Variants in PRMT3 observed in about 807,000 individuals in gnomAD.
The protein encoded by PRMT3 is protein arginine methyltransferase 3, also known as protein arginine N-methyltransferase 3.
In PRMT3, 62 loss-of-function variants were observed where a neutral mutation model predicts 71.9. That is an observed-to-expected ratio of 0.86 (90% CI 0.70 to 1.07). The LOEUF (loss-of-function observed/expected upper bound fraction) is 1.07, where lower values mean the gene tolerates loss of function less well. PRMT3 is among the 50% of genes least tolerant of loss of function. The pLI, the probability that PRMT3 is intolerant of heterozygous loss-of-function variation, is 0.00. For synonymous variants in PRMT3, 213 were observed against 220.4 expected, an observed-to-expected ratio of 0.97 and a Z score of 0.30; for missense variants, 663 against 643.0, an observed-to-expected ratio of 1.03 and a Z score of -0.34.
intron 9 of PRMT3, among the ~76,000 whole-genome samples, chr11:20,416,835 G>A (rs1203074498): frequency 1.3e-5 from 2 of 152,044 alleles, no homozygotes. Context: ...CGTTTCTCAT[G>A]GGATGTGTGT....
intron 11 of PRMT3, among the ~76,000 whole-genome samples, chr11:20,461,153 C>T (rs1850374479): frequency 6.6e-6 from 1 of 152,192 alleles, no homozygotes; most frequent in South Asian, 2.1e-4. Flanking sequence ...TTATTTCTCT[C>T]TCAATTAGAT....
intron 13 of PRMT3, among the ~76,000 whole-genome samples, chr11:20,468,835 T>A (rs939658214): frequency 6.6e-6 from 1 of 152,166 alleles, no homozygotes; most frequent in Admixed American, 6.5e-5. Context: ...TTGAAGATTA[T>A]TAGAACCTTT....
chr11:20,503,952 A>G (rs1267665315), intron 15 of PRMT3, among the ~76,000 whole-genome samples: 2 of 152,188 alleles, frequency 1.3e-5, no homozygotes, highest in East Asian at 3.8e-4. Context: ...GGCTAACACC[A>G]TTGTGAATTC....
At chr11:20,482,606 G>T (rs956561563) in intron 13 of PRMT3, among the ~76,000 whole-genome samples, 6 of 152,008 alleles carry the variant, frequency 3.9e-5, no homozygotes, top group Non-Finnish European at 7.4e-5. Flanking sequence ...GTTGGACCAG[G>T]TATTTTCCTT....
chr11:20,417,253 T>C (rs1849326865), intron 9 of PRMT3, among the ~76,000 whole-genome samples: 1 of 152,216 alleles, frequency 6.6e-6, no homozygotes, highest in South Asian at 2.1e-4. Flanking sequence ...TTATTGTCAT[T>C]TCACTGTTCT....
intron 10 of PRMT3, among the ~76,000 whole-genome samples, chr11:20,440,895 A>G (rs1849879257): frequency 6.6e-6 from 1 of 152,252 alleles, no homozygotes. Context: ...TCATAGAGCA[A>G]AAGTTTTTAA....
intron 10 of PRMT3, among the ~76,000 whole-genome samples, chr11:20,441,955 G>C (rs1186330863): frequency 6.6e-6 from 1 of 151,888 alleles, no homozygotes; most frequent in Non-Finnish European, 1.5e-5. Flanking sequence ...ACCACGCCCG[G>C]CTAATTTTTG....
chr11:20,456,999 G>C (rs1475285363), intron 11 of PRMT3, among the ~76,000 whole-genome samples: 2 of 151,922 alleles, frequency 1.3e-5, no homozygotes, highest in Non-Finnish European at 2.9e-5. Flanking sequence ...TCAGCCTCTC[G>C]ACTAGCTGGA....
rs1323664578 is a variant in PRMT3, at chr11:20,392,904, C to G, written c.305C>G (p.Thr102Arg). ...GATTAATTTTATATCCAGAATCCTA[C>G]AGTTGAGTACATGAATTCCATATAC... The part of the protein sequence containing the change: ...LINFIRLKNP[T>R]VEYMNSIYNP... Residue 102 changes from threonine to arginine, a missense_variant, in exon 5 of 16, where the codon ACA (threonine) becomes AGA (arginine). By Grantham distance (71) the Thr-to-Arg change is moderately conservative. Transcript: ENST00000331079. 6.3e-7 allele frequency: 1 copy of G among 1,578,054 alleles called. No individual in the cohort carries two copies. The highest frequency in any genetic ancestry group is 2.2e-5 in the East Asian group (1 of 44,592).
At chr11:20,453,381 C>T (rs1424353190) in intron 11 of PRMT3, among the ~76,000 whole-genome samples, 2 of 150,536 alleles carry the variant, frequency 1.3e-5, no homozygotes, top group African/African-American at 4.9e-5. Flanking sequence ...GCCTATAGTC[C>T]CGACAGGAGA....
At chr11:20,404,058 G>A (rs966500064) in intron 8 of PRMT3, among the ~76,000 whole-genome samples, 2 of 151,792 alleles carry the variant, frequency 1.3e-5, no homozygotes, top group African/African-American at 4.8e-5. Context: ...TTTGGCCAAA[G>A]CATTGCACCT....
At chr11:20,440,199 C>T (rs561622032) in intron 10 of PRMT3, among the ~76,000 whole-genome samples, 120 of 152,218 alleles carry the variant, frequency 7.9e-4, no homozygotes, top group African/African-American at 2.8e-3. Flanking sequence ...CCCCAAAATA[C>T]TAATGTTAAG....
intron 13 of PRMT3, among the ~76,000 whole-genome samples, chr11:20,470,185 T>C (rs895486606): frequency 6.6e-6 from 1 of 152,142 alleles, no homozygotes; most frequent in Non-Finnish European, 1.5e-5. Flanking sequence ...GACAACACAA[T>C]GGTATTTATG....
intron 11 of PRMT3, among the ~76,000 whole-genome samples, chr11:20,455,962 G>GTTT (rs1850259455): frequency 6.6e-6 from 1 of 152,048 alleles, no homozygotes; most frequent in Admixed American, 6.6e-5. Flanking sequence ...GGAAACATAG[G>GTTT]TTTATAAACT....
At chr11:20,502,307 T>C (rs373359916) in intron 15 of PRMT3, among the ~76,000 whole-genome samples, 2 of 152,326 alleles carry the variant, frequency 1.3e-5, no homozygotes, top group African/African-American at 2.4e-5. Context: ...TCTGAACAAT[T>C]GAAGGGAGAT....
At chr11:20,506,576 T>C (rs1851596558) in intron 15 of PRMT3, among the ~76,000 whole-genome samples, 1 of 152,252 alleles carries the variant, frequency 6.6e-6, no homozygotes, top group Non-Finnish European at 1.5e-5. Flanking sequence ...TGGTTATGTT[T>C]TACTTGTGTT....
chr11:20,464,401 G>GT (rs562956400), intron 12 of PRMT3, 59 bp from the exon 13 acceptor site: 155,065 of 928,034 alleles, frequency 0.17, 139 homozygotes, highest in Non-Finnish European at 0.18. Flanking sequence ...TTTATTTTTT[G>GT]TTTTTTTTTT....
At chr11:20,486,613 A>T (rs1330153318) in intron 13 of PRMT3, among the ~76,000 whole-genome samples, 1 of 152,136 alleles carries the variant, frequency 6.6e-6, no homozygotes, top group Non-Finnish European at 1.5e-5. Flanking sequence ...TGCACAAGGA[A>T]CAATGGAATT....
At chr11:20,498,254 G>A (rs921909930) in intron 15 of PRMT3, among the ~76,000 whole-genome samples, 2 of 152,128 alleles carry the variant, frequency 1.3e-5, no homozygotes, top group South Asian at 4.1e-4. Context: ...GTGAGGCAAT[G>A]CAACAGGAAG....
Sources: gnomAD v4.1 joint callset for allele counts (sites outside exome capture counted in the v4.1 genomes callset) on GRCh38, gnomAD v4.1.1 for gene constraint, MANE v1.5 for transcripts, NCBI Gene and HGNC (gene_info 2026-07-23, HGNC 2026-07-21) for gene names.